Variants in CCDC192 observed in about 807,000 individuals in gnomAD.
CCDC192 encodes the protein coiled-coil domain-containing protein 192.
intron 6 of CCDC192, among the ~76,000 whole-genome samples, chr5:127,906,288 G>A (rs1383789739): frequency 1.3e-5 from 2 of 152,062 alleles, no homozygotes; most frequent in Admixed American, 6.6e-5. Context: ...TTGTCCTTTT[G>A]TATCTGGTTT....
intron 6 of CCDC192, among the ~76,000 whole-genome samples, chr5:127,889,399 C>CT (rs1291900801): frequency 2.1e-4 from 27 of 129,200 alleles, no homozygotes; most frequent in African/African-American, 5.3e-4. Flanking sequence ...CTTTTCTTTT[C>CT]TTTCTTTCTT....
intron 6 of CCDC192, among the ~76,000 whole-genome samples, chr5:127,884,480 T>G (rs1174235145): frequency 6.6e-6 from 1 of 151,810 alleles, no homozygotes; most frequent in Non-Finnish European, 1.5e-5. Flanking sequence ...TTATGGTACT[T>G]GCAATCAAGG....
intron 6 of CCDC192, among the ~76,000 whole-genome samples, chr5:127,933,771 G>A (rs936200025): frequency 6.6e-6 from 1 of 152,044 alleles, no homozygotes; most frequent in African/African-American, 2.4e-5. Context: ...AGGTCATGAG[G>A]GCAGAGCCCT....
At chr5:127,734,689 A>AT (rs1405186582) in intron 2 of CCDC192, among the ~76,000 whole-genome samples, 1 of 145,216 alleles carries the variant, frequency 6.9e-6, no homozygotes, top group Non-Finnish European at 1.5e-5. Context: ...GATGGTGAGC[A>AT]TTTTTTCATG....
intron 6 of CCDC192, among the ~76,000 whole-genome samples, chr5:127,935,017 A>G (rs1455954421): frequency 6.6e-6 from 1 of 152,168 alleles, no homozygotes; most frequent in African/African-American, 2.4e-5. Flanking sequence ...CTCACCGGTG[A>G]TCCTTGTTGG....
At chr5:127,737,547 A>G (rs1358344599) in intron 2 of CCDC192, among the ~76,000 whole-genome samples, 41 of 151,564 alleles carry the variant, frequency 2.7e-4, no homozygotes, top group African/African-American at 9.8e-4. Context: ...GTCTCCCATT[A>G]TTAATGTGTG....
chr5:127,833,007 T>C (rs1035469844), intron 5 of CCDC192, among the ~76,000 whole-genome samples: 1 of 152,164 alleles, frequency 6.6e-6, no homozygotes, highest in Admixed American at 6.6e-5. Flanking sequence ...GAGGGAAAAA[T>C]TTAATCGTGG....
chr5:127,932,626 T>C (rs532226527), intron 6 of CCDC192, among the ~76,000 whole-genome samples: 115 of 152,374 alleles, frequency 7.5e-4, no homozygotes, highest in African/African-American at 2.4e-3. Flanking sequence ...ACCTTCGGGC[T>C]GATGCTTTCT....
At chr5:127,935,030 C>G (rs874496) in intron 6 of CCDC192, among the ~76,000 whole-genome samples, 29 of 152,286 alleles carry the variant, frequency 1.9e-4, no homozygotes, top group Admixed American at 8.5e-4. Flanking sequence ...CTTGTTGGGT[C>G]TTTCTTGTTG....
chr5:127,811,546 A>G (rs1758082778), intron 5 of CCDC192, among the ~76,000 whole-genome samples: 1 of 152,224 alleles, frequency 6.6e-6, no homozygotes, highest in African/African-American at 2.4e-5. Context: ...AGTTGAGTCA[A>G]AATGTGATAT....
At chr5:127,755,679 G>GAA (rs1487985973) in intron 3 of CCDC192, among the ~76,000 whole-genome samples, 1 of 95,276 alleles carries the variant, frequency 1.0e-5, no homozygotes, top group Non-Finnish European at 2.2e-5. Context: ...CCATTTCAAA[G>GAA]CAAAAAAAAA....
At chr5:127,932,262 TG>T (rs1342940566) in intron 6 of CCDC192, among the ~76,000 whole-genome samples, 2 of 151,854 alleles carry the variant, frequency 1.3e-5, no homozygotes, top group African/African-American at 4.8e-5. Context: ...TGGAGTGCAA[TG>T]GCACGATCTT....
intron 3 of CCDC192, among the ~76,000 whole-genome samples, chr5:127,783,932 G>T (rs868067022): frequency 2.6e-5 from 4 of 152,014 alleles, no homozygotes; most frequent in Non-Finnish European, 5.9e-5. Context: ...AGTTCATTTT[G>T]TCTCATATAA....
At chr5:127,831,376 G>A (rs928762424) in intron 5 of CCDC192, among the ~76,000 whole-genome samples, 4 of 151,834 alleles carry the variant, frequency 2.6e-5, no homozygotes, top group Non-Finnish European at 4.4e-5. Flanking sequence ...GTGTATATGT[G>A]TGCGTGTGTG....
chr5:127,834,418 T>C (rs1222196423), intron 5 of CCDC192, among the ~76,000 whole-genome samples: 2 of 152,202 alleles, frequency 1.3e-5, no homozygotes, highest in African/African-American at 4.8e-5. Context: ...GTAAATAAAC[T>C]TCTGCTTTTC....
At chr5:127,737,711 T>C (rs1332991372) in intron 2 of CCDC192, among the ~76,000 whole-genome samples, 1 of 151,726 alleles carries the variant, frequency 6.6e-6, no homozygotes, top group Non-Finnish European at 1.5e-5. Flanking sequence ...TTTTGATCTT[T>C]GTTGGTTTAA....
chr5:127,703,434 G>A lies in CCDC192; in HGVS notation c.-12G>A, dbSNP rs1164317119. 1 of 398,892 alleles carries A rather than the reference G, an allele frequency of 2.5e-6. No individual in the cohort carries two copies. Among genetic ancestry groups the A allele is most frequent in the Non-Finnish European group, 4.4e-6 (1 of 226,074 alleles). 24.7% of individuals were successfully genotyped at this position (398,892 alleles called of 1,614,324 possible). A position where few individuals can be genotyped will look rare whatever the true frequency, so the allele number is the denominator to read the frequency against. On this transcript the variant is annotated 5_prime_UTR_variant, in exon 1 of 7. Transcript: ENST00000514853. ...TCCCAGGGACAGGGGATCCCAGTGG[G>A]TCTGGCTTGAGATGGGACAATGCTA...
intron 5 of CCDC192, among the ~76,000 whole-genome samples, chr5:127,816,206 AT>A (rs2127010020): frequency 6.6e-6 from 1 of 152,312 alleles, no homozygotes; most frequent in African/African-American, 2.4e-5. Flanking sequence ...GTGGATAAAT[AT>A]TTTATAATTA....
At chr5:127,851,490 C>T (rs1212363368) in intron 5 of CCDC192, among the ~76,000 whole-genome samples, 2 of 152,138 alleles carry the variant, frequency 1.3e-5, no homozygotes, top group Non-Finnish European at 2.9e-5. Context: ...TGGAGTCTCG[C>T]TCTGTCACCC....
Sources: gnomAD v4.1 joint callset for allele counts (sites outside exome capture counted in the v4.1 genomes callset) on GRCh38, gnomAD v4.1.1 for gene constraint, MANE v1.5 for transcripts, NCBI Gene and HGNC (gene_info 2026-07-23, HGNC 2026-07-21) for gene names.